Variants in PRKCE observed in about 807,000 individuals in gnomAD.
PRKCE encodes protein kinase C epsilon.
A neutral mutation model predicts 85.4 loss-of-function variants in PRKCE; 16 were observed. That is an observed-to-expected ratio of 0.19 (90% confidence interval 0.13 to 0.28). PRKCE has a LOEUF of 0.28. Among genes scored for constraint, PRKCE ranks in the 10% least tolerant of loss-of-function variants. The probability of loss-of-function intolerance (pLI) is 1.00; values close to 1 mark genes in which losing one functional copy is unlikely to be tolerated. For synonymous variants in PRKCE, 388 were observed against 371.5 expected, an observed-to-expected ratio of 1.04 and a Z score of -0.51; for missense variants, 573 against 975.2, an observed-to-expected ratio of 0.59 and a Z score of 5.49.
rs1181463585 is a variant in PRKCE at position 46,187,082 on chromosome 2, C to G, written c.*2201C>G. ...GGCATCATCTCATTTTTTAGGAAGA[C>G]ATGATAATACTGCCCATCATATTCA... On this transcript the variant is annotated 3_prime_UTR_variant, in exon 15 of 15. Coordinates refer to ENST00000306156, the MANE Select transcript of PRKCE (RefSeq NM_005400.3). The G allele has an allele frequency of 6.6e-6, 1 of 152,628 alleles. No homozygotes were observed. 9.5% of individuals were successfully genotyped at this position (152,628 alleles called of 1,614,324 possible).
chr2:45,653,257 T>C (rs1675211016), intron 1 of PRKCE, among the ~76,000 whole-genome samples: 1 of 152,128 alleles, frequency 6.6e-6, no homozygotes, highest in Non-Finnish European at 1.5e-5. Flanking sequence ...TATTAAGGAT[T>C]TGGAAAGAGG....
intron 11 of PRKCE, among the ~76,000 whole-genome samples, chr2:46,140,379 G>T (rs1574577108): frequency 6.6e-6 from 1 of 152,106 alleles, no homozygotes; most frequent in African/African-American, 2.4e-5. Context: ...GTGCACATGA[G>T]GATTTAGTAC....
intron 10 of PRKCE, among the ~76,000 whole-genome samples, chr2:46,051,119 A>G (rs906920989): frequency 2.6e-5 from 4 of 152,230 alleles, no homozygotes; most frequent in African/African-American, 7.2e-5. Flanking sequence ...ACAAATAACT[A>G]CTGAGATGAC....
At position 45,684,849 on chromosome 2, in the gene PRKCE, A is replaced by G. The variant is rs532729333; in HGVS notation, c.348+32401A>G. Among the ~76,000 whole-genome samples, 7 of 152,126 alleles carry G rather than the reference A, an allele frequency of 4.6e-5. No individual in the cohort carries two copies. The South Asian group carries it at 1.5e-3, about 32-fold the overall frequency. ...TGTGTCCCCAGTCAACCCCATTTGT[A>G]ATTTGCAAATAGGATCTGTGTGGCT... On this transcript the variant is annotated intron_variant, in intron 1 of 14. Coordinates refer to ENST00000306156, the MANE Select transcript of PRKCE (RefSeq NM_005400.3).
rs1196102482 is a variant in PRKCE, at chr2:45,652,814, G to A, written c.348+366G>A. 2.6e-5 allele frequency among the ~76,000 whole-genome samples: 4 copies of A among 152,180 alleles called. No individual in the cohort carries two copies. The highest frequency in any genetic ancestry group is 2.0e-4 in the Admixed American group (3 of 15,286). ...GCTGTGTGTGATTGTGTGTGGGTGGGTCCCTCCGTCCTTGGAAAGGCACGT... is the reference window on the plus strand; with the variant it reads ...GCTGTGTGTGATTGTGTGTGGGTGGATCCCTCCGTCCTTGGAAAGGCACGT... On this transcript the variant is annotated intron_variant, in intron 1 of 14. Transcript: ENST00000306156. This position sits in a 1 kb window ranked among gnomAD's most constrained non-coding sequence, Gnocchi z 7.7.
intron 1 of PRKCE, among the ~76,000 whole-genome samples, chr2:45,698,591 G>T (rs1678350151): frequency 6.6e-6 from 1 of 151,120 alleles, no homozygotes; most frequent in Admixed American, 6.6e-5. Context: ...TATGAAGGAA[G>T]AGAGAAAGGA....
intron 10 of PRKCE, among the ~76,000 whole-genome samples, chr2:46,028,304 G>A (rs1305572428): frequency 6.6e-6 from 1 of 152,252 alleles, no homozygotes; most frequent in Admixed American, 6.5e-5. Context: ...GCAGCTCTGA[G>A]TTGGGGGGTA....
At chr2:45,760,286 A>G (rs748480522) in intron 1 of PRKCE, among the ~76,000 whole-genome samples, 3 of 152,192 alleles carry the variant, frequency 2.0e-5, no homozygotes, top group Non-Finnish European at 4.4e-5. Flanking sequence ...AGAAAGAAAG[A>G]AAGTGGCTAG....
intron 2 of PRKCE, among the ~76,000 whole-genome samples, chr2:45,923,950 T>C (rs981820457): frequency 2.0e-5 from 3 of 152,144 alleles, no homozygotes; most frequent in African/African-American, 7.2e-5. Flanking sequence ...AGAAAGGTTG[T>C]TATTGGAAGT....
intron 11 of PRKCE, among the ~76,000 whole-genome samples, chr2:46,132,836 G>C (rs1396895452): frequency 6.6e-6 from 1 of 152,156 alleles, no homozygotes; most frequent in East Asian, 1.9e-4. Context: ...TCTGTTTTCT[G>C]TCCCTTCAGA....
chr2:45,934,358 A>G (rs1448163513), intron 2 of PRKCE, among the ~76,000 whole-genome samples: 1 of 152,206 alleles, frequency 6.6e-6, no homozygotes, highest in Admixed American at 6.5e-5. Flanking sequence ...TTCCTATAAA[A>G]TTACTGTTGG....
intron 11 of PRKCE, among the ~76,000 whole-genome samples, chr2:46,143,742 T>C (rs1189605449): frequency 2.0e-5 from 3 of 152,164 alleles, no homozygotes; most frequent in Non-Finnish European, 4.4e-5. Flanking sequence ...CTCAGCTTGG[T>C]TGGGCTCACT....
intron 1 of PRKCE, among the ~76,000 whole-genome samples, chr2:45,839,664 T>C (rs1202693619): frequency 6.6e-6 from 1 of 152,178 alleles, no homozygotes; most frequent in African/African-American, 2.4e-5. Flanking sequence ...ATCTGGACCA[T>C]GTAATCGTGA....
intron 11 of PRKCE, among the ~76,000 whole-genome samples, chr2:46,130,074 A>G (rs1309366293): frequency 1.3e-5 from 2 of 152,206 alleles, no homozygotes; most frequent in Non-Finnish European, 2.9e-5. Flanking sequence ...TTAACCTGAT[A>G]AGATGACAGA....
At chr2:45,763,063 T>C (rs1684644753) in intron 1 of PRKCE, among the ~76,000 whole-genome samples, 1 of 152,070 alleles carries the variant, frequency 6.6e-6, no homozygotes, top group African/African-American at 2.4e-5. Flanking sequence ...ACCATTCTCC[T>C]GCCTCATCAG....
intron 9 of PRKCE, 104 bp downstream of exon 9, chr2:46,007,765 G>T: frequency 7.8e-7 from 1 of 1,290,160 alleles, no homozygotes; most frequent in South Asian, 1.5e-5. Context: ...GCCTGATCTC[G>T]TTAGGTTTTC....
intron 1 of PRKCE, among the ~76,000 whole-genome samples, chr2:45,841,324 A>G (rs909379363): frequency 2.6e-5 from 4 of 152,220 alleles, no homozygotes; most frequent in African/African-American, 9.6e-5. Flanking sequence ...AAAAGTAGGA[A>G]AGCCGACAGG....
At chr2:45,948,805 C>T (rs183204878) in intron 2 of PRKCE, among the ~76,000 whole-genome samples, 271 of 152,242 alleles carry the variant, frequency 1.8e-3, no homozygotes, top group Non-Finnish European at 3.2e-3. Context: ...AAAATATATA[C>T]AAGACTGCCA....
intron 1 of PRKCE, among the ~76,000 whole-genome samples, chr2:45,670,187 G>A (rs765919272): frequency 2.6e-5 from 4 of 152,100 alleles, no homozygotes; most frequent in Non-Finnish European, 5.9e-5. Flanking sequence ...TCTCTAATGG[G>A]ATTTGAATTT....
Sources: allele counts gnomAD v4.1 joint callset (sites outside exome capture counted in the v4.1 genomes callset), GRCh38; gene constraint gnomAD v4.1.1; non-coding constraint Gnocchi (gnomAD v3.1); transcripts MANE v1.5; gene names NCBI Gene and HGNC (gene_info 2026-07-23, HGNC 2026-07-21).